Variants in PCCA observed in about 807,000 individuals in gnomAD.
The protein encoded by PCCA is propionyl-CoA carboxylase alpha chain, mitochondrial.
A neutral mutation model predicts 101.3 loss-of-function variants in PCCA; 74 were observed. The ratio of observed to expected loss-of-function variants is 0.73; its 90% confidence interval spans 0.61 to 0.89. PCCA has a LOEUF of 0.89. Ranked by LOEUF, PCCA falls within the 40% of genes least tolerant of loss-of-function variation. The pLI is 0.00. For missense variants in PCCA, 891 were observed against 907.0 expected, an observed-to-expected ratio of 0.98 and a Z score of 0.23; for synonymous variants, 294 against 313.6, an observed-to-expected ratio of 0.94 and a Z score of 0.66.
chr13:100,341,011 TTAGG>T (rs1050392383), intron 18 of PCCA, among the ~76,000 whole-genome samples: 1 of 152,222 alleles, frequency 6.6e-6, no homozygotes, highest in Admixed American at 6.5e-5. Context: ...TTCTGAAGAA[TTAGG>T]TAGAGGAGAA....
At chr13:100,333,535 A>G (rs1292168844) in intron 17 of PCCA, among the ~76,000 whole-genome samples, 1 of 152,254 alleles carries the variant, frequency 6.6e-6, no homozygotes, top group Non-Finnish European at 1.5e-5. Flanking sequence ...AAATTAAAAA[A>G]TAGGATACAT....
intron 16 of PCCA, among the ~76,000 whole-genome samples, chr13:100,320,327 G>A (rs2067883590): frequency 6.6e-6 from 1 of 152,102 alleles, no homozygotes; most frequent in African/African-American, 2.4e-5. Context: ...TCTTTCTCCT[G>A]CCTGATTGCC....
At chr13:100,238,686 G>A (rs778960936) in intron 8 of PCCA, among the ~76,000 whole-genome samples, 5 of 152,150 alleles carry the variant, frequency 3.3e-5, no homozygotes, top group South Asian at 2.1e-4. Context: ...CAGAAGCCTC[G>A]CATAAAATCT....
intron 4 of PCCA, among the ~76,000 whole-genome samples, chr13:100,114,932 C>T (rs140274007): frequency 6.6e-6 from 1 of 152,254 alleles, no homozygotes; most frequent in African/African-American, 2.4e-5. Flanking sequence ...TCTAGGTGTA[C>T]ACCTAGCACC....
chr13:100,447,430 C>T (rs2080915433), intron 20 of PCCA, among the ~76,000 whole-genome samples: 1 of 150,554 alleles, frequency 6.6e-6, no homozygotes, highest in African/African-American at 2.4e-5. Flanking sequence ...TGGCTCATAC[C>T]TGTAATCCCA....
intron 8 of PCCA, among the ~76,000 whole-genome samples, chr13:100,247,259 C>A (rs1174874541): frequency 6.8e-6 from 1 of 147,574 alleles, no homozygotes; most frequent in East Asian, 2.0e-4. Context: ...ACTCTGTCGC[C>A]CAGACGGGAG....
At chr13:100,157,167 G>A in intron 5 of PCCA, 120 bp from the exon 6 acceptor site, 1 of 670,546 alleles carries the variant, frequency 1.5e-6, no homozygotes, top group Non-Finnish European at 2.7e-6. Flanking sequence ...TATAAGAGAA[G>A]TGTACTTATT....
chr13:100,349,755 C>G (rs1191691477), intron 18 of PCCA, among the ~76,000 whole-genome samples: 1 of 127,976 alleles, frequency 7.8e-6, no homozygotes, highest in Non-Finnish European at 1.7e-5. Flanking sequence ...ACTTTGTGCT[C>G]AGGCTTAGGA....
chr13:100,144,958 C>T (rs1436669544), intron 4 of PCCA, among the ~76,000 whole-genome samples: 1 of 152,200 alleles, frequency 6.6e-6, no homozygotes, highest in Non-Finnish European at 1.5e-5. Context: ...AGGAGACAGC[C>T]TTGAGCACAA....
intron 19 of PCCA, among the ~76,000 whole-genome samples, chr13:100,383,533 C>T (rs1453170780): frequency 6.6e-6 from 1 of 151,692 alleles, no homozygotes; most frequent in Non-Finnish European, 1.5e-5. Context: ...TGCTTTGAGC[C>T]TGGGAGATTG....
At chr13:100,505,720 AAGC>A (rs954091939) in intron 21 of PCCA, among the ~76,000 whole-genome samples, 10 of 152,256 alleles carry the variant, frequency 6.6e-5, no homozygotes, top group African/African-American at 2.4e-4. Flanking sequence ...CTCAAACACT[AAGC>A]AGGCATGGTG....
At chr13:100,529,492 A>G (rs1456741158) in intron 23 of PCCA, among the ~76,000 whole-genome samples, 2 of 152,136 alleles carry the variant, frequency 1.3e-5, no homozygotes, top group Non-Finnish European at 2.9e-5. Context: ...AAAACTTGAT[A>G]AAGATTGACT....
At chr13:100,514,558 T>C (rs1049980273) in intron 21 of PCCA, among the ~76,000 whole-genome samples, 1 of 152,194 alleles carries the variant, frequency 6.6e-6, no homozygotes, top group Admixed American at 6.5e-5. Context: ...TCAAACCATT[T>C]TATCTTTTTT....
At chr13:100,162,425 C>T (rs1223260843) in intron 6 of PCCA, among the ~76,000 whole-genome samples, 1 of 151,908 alleles carries the variant, frequency 6.6e-6, no homozygotes, top group African/African-American at 2.4e-5. Flanking sequence ...GAGTATGGAT[C>T]CGTTGTTTAG....
intron 18 of PCCA, among the ~76,000 whole-genome samples, chr13:100,359,795 A>C (rs1239906801): frequency 6.6e-6 from 1 of 152,218 alleles, no homozygotes; most frequent in Non-Finnish European, 1.5e-5. Context: ...ATAAATTAAA[A>C]ATCAGAAGAA....
chr13:100,249,145 T>C (rs2061616526), intron 8 of PCCA, among the ~76,000 whole-genome samples: 1 of 152,222 alleles, frequency 6.6e-6, no homozygotes, highest in Admixed American at 6.5e-5. Context: ...TTTGTGCTTT[T>C]GGTGTTATAT....
chr13:100,470,902 A>G (rs529162236), intron 21 of PCCA, among the ~76,000 whole-genome samples: 4 of 152,118 alleles, frequency 2.6e-5, no homozygotes, highest in Admixed American at 6.6e-5. Flanking sequence ...CAACAAGGCT[A>G]TTTCACTTTC....
At chr13:100,115,389 T>G (rs946573373) in intron 4 of PCCA, among the ~76,000 whole-genome samples, 1 of 152,170 alleles carries the variant, frequency 6.6e-6, no homozygotes, top group Non-Finnish European at 1.5e-5. Context: ...TCTGCAGTAA[T>G]TTGTGGTACA....
intron 19 of PCCA, among the ~76,000 whole-genome samples, chr13:100,407,770 A>G (rs2077771536): frequency 6.6e-6 from 1 of 152,140 alleles, no homozygotes; most frequent in Non-Finnish European, 1.5e-5. Flanking sequence ...AACACATTTT[A>G]CTGTTCTTAC....
Sources: gnomAD v4.1 joint callset for allele counts (sites outside exome capture counted in the v4.1 genomes callset) on GRCh38, gnomAD v4.1.1 for gene constraint, MANE v1.5 for transcripts, NCBI Gene and HGNC (gene_info 2026-07-23, HGNC 2026-07-21) for gene names.